The following ADGRG4 variants were observed in gnomAD, a reference collection of about 807,000 sequenced individuals.
ADGRG4 encodes the protein G protein-coupled receptor 112.
ADGRG4 carries 122 observed loss-of-function variants against 126.2 expected under a neutral mutation model. That is an observed-to-expected ratio of 0.97 (90% CI 0.83 to 1.12). The LOEUF (loss-of-function observed/expected upper bound fraction) is 1.12, where lower values mean the gene tolerates loss of function less well. Among genes scored for constraint, ADGRG4 ranks in the 50% most tolerant of loss-of-function variants. The pLI is 0.00. For synonymous variants in ADGRG4, 943 were observed against 838.7 expected (o/e 1.12, Z -2.15); for missense variants, 2,481 against 2,251.8 (o/e 1.10, Z -2.06).
rs772005777 is a variant in ADGRG4, at chrX:136,348,527, A to G, written c.4821A>G (p.Thr1607=). ...CTACTATGACCATGCAAACATCTAC[A>G]TTGGATGTCACACCTGTGATATATG... ...PRTTMTMQTS[T]LDVTPVIYAG... is the part of the protein sequence containing the mutation. The change falls in exon 6 of 26, where the codon ACA becomes ACG. Residue 1607 remains threonine (T), a synonymous_variant. Transcript: ENST00000394143. 3.3e-6 allele frequency: 4 copies of G among 1,206,291 alleles called. No homozygotes were observed. In the Admixed American group the frequency reaches 6.5e-5, roughly 20 times the overall value.
Position 136,363,267 on chromosome X carries a change from C to G in ADGRG4, c.7278-210C>G, listed in dbSNP as rs1291339727. ...TACCTGTTTATCCACTCCCCTTCCC[C>G]CTTCCCACATGTTGACCCTAGATTC... On this transcript the variant is annotated intron_variant, in intron 12 of 25. Transcript: ENST00000394143. 2.7e-5 allele frequency among the ~76,000 whole-genome samples: 3 copies of G among 111,557 alleles called. No homozygotes were observed. In the South Asian group the frequency reaches 1.1e-3, roughly 43 times the overall value.
chrX:136,314,907 G>A (rs972627445), intron 4 of ADGRG4, among the ~76,000 whole-genome samples: 1 of 111,302 alleles, frequency 9.0e-6, no homozygotes, highest in Non-Finnish European at 1.9e-5. Context: ...TATTTTTTTG[G>A]GTGAGACATG....
At chrX:136,406,323 T>C (rs2075409760) in intron 23 of ADGRG4, among the ~76,000 whole-genome samples, 2 of 112,150 alleles carry the variant, frequency 1.8e-5, no homozygotes, top group Admixed American at 9.4e-5. Context: ...AACATTAAAG[T>C]TTTGACCCCA....
Position 136,308,813 on chromosome X carries a change from A to G in ADGRG4, c.36A>G (p.Gly12=). Residue 12 remains glycine, a synonymous_variant, in exon 4 of 26, where the codon GGA becomes GGG. Transcript: ENST00000394143. ...ACATCATATATCAGAAGCTTTATGG[A>G]TTGATTCTCATGTCGAGTTTTATCT... is the stretch of plus-strand genomic sequence containing the variant. ...KEHIIYQKLY[G]LILMSSFIFL... 1 of 1,170,190 alleles carries G rather than the reference A, an allele frequency of 8.5e-7. No individual in the cohort carries two copies. The highest frequency in any genetic ancestry group is 1.2e-6 in the Non-Finnish European group (1 of 858,762).
At chrX:136,378,445 T>C (rs1380330142) in intron 15 of ADGRG4, among the ~76,000 whole-genome samples, 1 of 111,553 alleles carries the variant, frequency 9.0e-6, no homozygotes, top group East Asian at 2.8e-4. Flanking sequence ...TAGAGAGTTT[T>C]ATGTATTCTT....
At position 136,405,681 on chromosome X, in the gene ADGRG4, G is replaced by A; in HGVS notation, c.8655-11G>A. On this transcript the variant is annotated splice_polypyrimidine_tract_variant and intron_variant, in intron 22 of 25. Coordinates refer to ENST00000394143, the MANE Select transcript of ADGRG4 (RefSeq NM_153834.4). Reference sequence around the variant, plus strand: ...TCCCTATCTCATGATAGTCTTCTTTGTTTCTTACAGTTGTTGGATTAAAGA... The same window carrying A: ...TCCCTATCTCATGATAGTCTTCTTTATTTCTTACAGTTGTTGGATTAAAGA... 8.8e-7 allele frequency: 1 copy of A among 1,133,571 alleles called. No homozygotes were observed. Among genetic ancestry groups the A allele is most frequent in the African/African-American group, 1.8e-5 (1 of 55,065 alleles). 93.4% of individuals were successfully genotyped at this position (1,133,571 alleles called of 1,213,427 possible). A position where few individuals can be genotyped will look rare whatever the true frequency, so the allele number is the denominator to read the frequency against.
intron 5 of ADGRG4, among the ~76,000 whole-genome samples, chrX:136,341,143 T>C (rs1391538110): frequency 1.8e-5 from 2 of 111,942 alleles, no homozygotes; most frequent in Non-Finnish European, 3.8e-5. Context: ...TTAATAACAA[T>C]TGCTACATCT....
intron 22 of ADGRG4, among the ~76,000 whole-genome samples, chrX:136,404,045 C>A (rs893171574): frequency 1.8e-5 from 2 of 111,112 alleles, no homozygotes; most frequent in African/African-American, 6.5e-5. Context: ...CTCTCAAGTT[C>A]TCTTCCACTA....
Position 136,345,797 on chromosome X carries a change from C to G in ADGRG4, c.2091C>G (p.Ser697=). ...ATACTACTTATACAGAATATTTATC[C>G]GCAACTACCAATATCACCCCACTGA... ...HENTTYTEYL[S]ATTNITPLKA... The change falls in exon 6 of 26, where the codon TCC becomes TCG. Residue 697 remains serine, a synonymous_variant. Coordinates refer to ENST00000394143, the MANE Select transcript of ADGRG4 (RefSeq NM_153834.4). The G allele has an allele frequency of 8.3e-7, 1 of 1,209,630 alleles. No individual in the cohort carries two copies. The highest frequency in any genetic ancestry group is 1.1e-6 in the Non-Finnish European group (1 of 893,987).
At chrX:136,399,755 T>C (rs2075369718) in intron 20 of ADGRG4, 93 bp from the exon 21 acceptor site, 1 of 770,006 alleles carries the variant, frequency 1.3e-6, no homozygotes, top group Non-Finnish European at 1.9e-6. Flanking sequence ...AATTCTTTTA[T>C]TCTTTCACTT....
At position 136,347,503 on chromosome X, in the gene ADGRG4, GA is replaced by G. The variant is rs1234486457; in HGVS notation, c.3802del (p.Thr1268ProfsTer7). Reference sequence around the variant, plus strand: ...AAAGACCAGATGACCATATCCCTGGGAAAAACCCCTAGAACTATGGAGGTGA... The same window carrying G: ...AAAGACCAGATGACCATATCCCTGGGAAAACCCCTAGAACTATGGAGGTGA... Reference protein sequence around the residue: ...SDKDQMTISLGKTPRTMEVTE... With the variant: ...SDKDQMTISLXKTPRTMEVTE... On this transcript the variant is annotated frameshift_variant, in exon 6 of 26. Transcript: ENST00000394143. LOFTEE classifies it high-confidence loss of function. 21 of 1,209,659 alleles carry G rather than the reference GA, an allele frequency of 1.7e-5. No individual in the cohort carries two copies. Among genetic ancestry groups the G allele is most frequent in the Non-Finnish European group, 2.3e-5 (21 of 894,230 alleles).
intron 5 of ADGRG4, among the ~76,000 whole-genome samples, chrX:136,342,761 G>C (rs1024425717): frequency 5.4e-5 from 6 of 110,272 alleles, no homozygotes; most frequent in African/African-American, 2.0e-4. Flanking sequence ...AGGGGACTTA[G>C]CACAAATTGA....
In ADGRG4 at chrX:136,376,627, G is replaced by GGTATTGTATT. The variant is rs138629547; in HGVS notation, c.7776+3629_7776+3638dup. Among the ~76,000 whole-genome samples, 172 of 86,177 alleles carry GGTATTGTATT rather than the reference G, an allele frequency of 2.0e-3. 2 individuals carry two copies. The highest frequency in any genetic ancestry group is 5.9e-3 in the East Asian group (15 of 2,527). 74.8% of individuals were successfully genotyped at this position (86,177 alleles called of 115,157 possible). ...ACCTCCTTGATTAAGTATATTCCTG[G>GGTATTGTATT]GTATTGTATTGTATTGTATTGTATT... is the stretch of plus-strand genomic sequence containing the variant. On this transcript the variant is annotated intron_variant, in intron 15 of 25. Transcript: ENST00000394143.
chrX:136,313,024 A>G (rs924486337), intron 4 of ADGRG4, among the ~76,000 whole-genome samples: 4 of 112,580 alleles, frequency 3.6e-5, no homozygotes, highest in African/African-American at 1.3e-4. Flanking sequence ...ATTCAATGGT[A>G]TGGATATACC....
At chrX:136,325,769 G>T (rs976095037) in intron 5 of ADGRG4, among the ~76,000 whole-genome samples, 1 of 101,846 alleles carries the variant, frequency 9.8e-6, no homozygotes, top group Non-Finnish European at 2.0e-5. Flanking sequence ...GGAGTGCCAT[G>T]GTGCCATCTC....
intron 10 of ADGRG4, among the ~76,000 whole-genome samples, chrX:136,358,151 T>C (rs966781221): frequency 3.6e-5 from 4 of 111,549 alleles, no homozygotes; most frequent in Admixed American, 9.6e-5. Flanking sequence ...CTGGCTATTG[T>C]TGATCTGTTC....
In ADGRG4 at chrX:136,346,740, A is replaced by T. The variant is rs1490605816; in HGVS notation, c.3034A>T (p.Thr1012Ser). 2 of 1,210,072 alleles carry T rather than the reference A, an allele frequency of 1.7e-6. No individual in the cohort carries two copies. The highest frequency in any genetic ancestry group is 5.9e-5 in the East Asian group (2 of 33,811). Residue 1012 changes from threonine (T) to serine (S), a missense_variant, in exon 6 of 26, where the codon ACT becomes TCT. By Grantham distance (58) the Thr-to-Ser change is moderately conservative. Transcript: ENST00000394143. Reference sequence around the variant, plus strand: ...TTCCTCAGCAACCCCTGTGCCTGTTACTCATATGTTCTCATTGCCAGTTAA... The same window carrying T: ...TTCCTCAGCAACCCCTGTGCCTGTTTCTCATATGTTCTCATTGCCAGTTAA... ...AHSSATPVPV[T>S]HMFSLPVNGS... is the part of the protein sequence containing the mutation.
At chrX:136,413,334 A>C (rs999276202) in intron 24 of ADGRG4, among the ~76,000 whole-genome samples, 3 of 105,633 alleles carry the variant, frequency 2.8e-5, no homozygotes, top group Middle Eastern at 4.9e-3. Context: ...TGAGAATATG[A>C]GGTGTTTGGT....
At chrX:136,329,215 G>C (rs1003697641) in intron 5 of ADGRG4, among the ~76,000 whole-genome samples, 1 of 111,652 alleles carries the variant, frequency 9.0e-6, no homozygotes. Context: ...GATGTGACAT[G>C]TGGGCTAGAA....
Sources: gnomAD v4.1 joint callset for allele counts (sites outside exome capture counted in the v4.1 genomes callset) on GRCh38, gnomAD v4.1.1 for gene constraint, MANE v1.5 for transcripts, NCBI Gene and HGNC (gene_info 2026-07-23, HGNC 2026-07-21) for gene names.